Variants in SPAG16 observed in about 807,000 individuals in gnomAD.
The protein encoded by SPAG16 is sperm-associated antigen 16 protein.
SPAG16 carries 86 observed loss-of-function variants against 80.4 expected under a neutral mutation model. The ratio of observed to expected loss-of-function variants is 1.07; its 90% CI spans 0.90 to 1.28. SPAG16 has a LOEUF of 1.28. SPAG16 is among the 50% of genes most tolerant of loss of function. The probability of loss-of-function intolerance (pLI) is 0.00; values close to 1 mark genes in which losing one functional copy is unlikely to be tolerated. For synonymous variants in SPAG16, 294 were observed against 265.9 expected (o/e 1.11, Z -1.03); for missense variants, 870 against 765.3 (o/e 1.14, Z -1.61).
At chr2:213,733,584 C>G (rs2067154854) in intron 10 of SPAG16, among the ~76,000 whole-genome samples, 1 of 150,824 alleles carries the variant, frequency 6.6e-6, no homozygotes, top group South Asian at 2.1e-4. Flanking sequence ...ATGTAAAGGC[C>G]TCCCCAAGAC....
chr2:213,800,363 C>CCT (rs1171477467), intron 10 of SPAG16, among the ~76,000 whole-genome samples: 2 of 142,038 alleles, frequency 1.4e-5, no homozygotes, highest in African/African-American at 2.6e-5. Flanking sequence ...TCCCTCTCTC[C>CCT]CTCTCTCCCT....
At chr2:213,981,542 A>G (rs1481463502) in intron 12 of SPAG16, among the ~76,000 whole-genome samples, 2 of 152,112 alleles carry the variant, frequency 1.3e-5, no homozygotes, top group Non-Finnish European at 2.9e-5. Context: ...TTTCAGGTTC[A>G]AAACGTTTTT....
chr2:213,889,717 GCATATATATATA>G (rs548998358), intron 11 of SPAG16, among the ~76,000 whole-genome samples: 37 of 130,754 alleles, frequency 2.8e-4, no homozygotes, highest in African/African-American at 8.3e-4. Context: ...ATATACATAT[GCATATATATATA>G]CATATATATA....
At chr2:213,519,544 ATGATTG>A (rs1291724093) in intron 10 of SPAG16, among the ~76,000 whole-genome samples, 2 of 152,220 alleles carry the variant, frequency 1.3e-5, no homozygotes, top group Non-Finnish European at 2.9e-5. Context: ...GCCTTCTGCC[ATGATTG>A]TGAGTCTTCC....
At chr2:214,106,087 C>T (rs1003934405) in intron 13 of SPAG16, among the ~76,000 whole-genome samples, 11 of 151,766 alleles carry the variant, frequency 7.2e-5, no homozygotes, top group Non-Finnish European at 1.2e-4. Context: ...AATAGTTTAG[C>T]GATTCTCAAG....
chr2:213,856,328 C>T (rs543905058), intron 10 of SPAG16, among the ~76,000 whole-genome samples: 1 of 152,184 alleles, frequency 6.6e-6, no homozygotes, highest in African/African-American at 2.4e-5. Context: ...CAGCCCCCTC[C>T]CAGCTGCTTT....
rs761588131 is a variant in SPAG16 at position 213,997,287 on chromosome 2, A to G, written c.1401-16664A>G. On this transcript the variant is annotated intron_variant, in intron 12 of 15. Transcript: ENST00000331683. Reference sequence around the variant, plus strand: ...CAGGGGCTCAGGAATAATACTATATAGAAAATTACATACTGTTGGCCTTTA... The same window carrying G: ...CAGGGGCTCAGGAATAATACTATATGGAAAATTACATACTGTTGGCCTTTA... Among the ~76,000 whole-genome samples the G allele has an allele frequency of 3.9e-5, 6 of 152,238 alleles. 1 individual carries two copies. Among genetic ancestry groups the G allele is most frequent in the Non-Finnish European group, 5.9e-5 (4 of 68,046 alleles).
chr2:213,495,887 T>A (rs1484686748), intron 10 of SPAG16, among the ~76,000 whole-genome samples: 2 of 152,080 alleles, frequency 1.3e-5, no homozygotes, highest in African/African-American at 4.8e-5. Context: ...ATGGACAGAA[T>A]AAGTGACCCT....
At chr2:213,861,823 C>A (rs1324440659) in intron 10 of SPAG16, among the ~76,000 whole-genome samples, 1 of 152,154 alleles carries the variant, frequency 6.6e-6, no homozygotes, top group African/African-American at 2.4e-5. Context: ...ATCTTACATA[C>A]TTCTTTCTCA....
chr2:213,792,511 A>G (rs1283312490), intron 10 of SPAG16, among the ~76,000 whole-genome samples: 1 of 150,956 alleles, frequency 6.6e-6, no homozygotes, highest in African/African-American at 2.4e-5. Flanking sequence ...CACTTCTCTT[A>G]GGACACTCTA....
At chr2:213,781,892 A>T (rs1244799629) in intron 10 of SPAG16, among the ~76,000 whole-genome samples, 3 of 152,172 alleles carry the variant, frequency 2.0e-5, no homozygotes, top group Non-Finnish European at 2.9e-5. Context: ...AGATCTCCAA[A>T]ATCCTTTTGG....
chr2:214,026,975 A>C (rs1292677526), intron 13 of SPAG16, among the ~76,000 whole-genome samples: 1 of 151,524 alleles, frequency 6.6e-6, no homozygotes, highest in Admixed American at 6.6e-5. Context: ...AATCTTGTAT[A>C]TCTTTTGACT....
At chr2:213,573,939 A>G (rs894561285) in intron 10 of SPAG16, among the ~76,000 whole-genome samples, 1 of 152,196 alleles carries the variant, frequency 6.6e-6, no homozygotes, top group African/African-American at 2.4e-5. Flanking sequence ...GATCTTGTGA[A>G]AAAATCAGAT....
At chr2:213,903,605 C>T (rs1222323699) in intron 11 of SPAG16, among the ~76,000 whole-genome samples, 1 of 152,154 alleles carries the variant, frequency 6.6e-6, no homozygotes, top group Non-Finnish European at 1.5e-5. Flanking sequence ...ATGGGAGGGG[C>T]TGCCATGAAA....
At chr2:213,722,138 C>T (rs1321180896) in intron 10 of SPAG16, among the ~76,000 whole-genome samples, 1 of 151,976 alleles carries the variant, frequency 6.6e-6, no homozygotes, top group East Asian at 1.9e-4. Context: ...CATAGAAAAA[C>T]AACTACTTAT....
intron 15 of SPAG16, among the ~76,000 whole-genome samples, chr2:214,396,385 A>G (rs1224156582): frequency 6.6e-6 from 1 of 152,102 alleles, no homozygotes; most frequent in Non-Finnish European, 1.5e-5. Flanking sequence ...CTAGTTTTAG[A>G]ATACTTTGTG....
At chr2:213,948,174 C>T (rs1379296698) in intron 12 of SPAG16, among the ~76,000 whole-genome samples, 3 of 152,218 alleles carry the variant, frequency 2.0e-5, no homozygotes, top group East Asian at 1.9e-4. Flanking sequence ...TGGAGACTAT[C>T]GTTTCCTAAG....
At chr2:213,554,089 A>G (rs552272012) in intron 10 of SPAG16, among the ~76,000 whole-genome samples, 1 of 152,328 alleles carries the variant, frequency 6.6e-6, no homozygotes, top group South Asian at 2.1e-4. Context: ...AAATGAGTAC[A>G]CAAGACAGAT....
At chr2:213,492,198 T>C (rs1208983887) in intron 10 of SPAG16, among the ~76,000 whole-genome samples, 1 of 152,200 alleles carries the variant, frequency 6.6e-6, no homozygotes, top group Non-Finnish European at 1.5e-5. Context: ...CTAGACATAA[T>C]ATAAAACTCA....
Sources: allele counts gnomAD v4.1 joint callset (sites outside exome capture counted in the v4.1 genomes callset), GRCh38; gene constraint gnomAD v4.1.1; transcripts MANE v1.5; gene names NCBI Gene and HGNC (gene_info 2026-07-23, HGNC 2026-07-21).